Variants in VAC14 observed in about 807,000 individuals in gnomAD.
The protein encoded by VAC14 is VAC14 component of PIKFYVE complex.
A neutral mutation model predicts 85.3 loss-of-function variants in VAC14; 47 were observed. The ratio of observed to expected loss-of-function variants is 0.55; its 90% CI spans 0.44 to 0.70. VAC14 has a LOEUF of 0.70. Among genes scored for constraint, VAC14 ranks in the 30% least tolerant of loss-of-function variants. The pLI is 0.00. For missense variants in VAC14, 861 were observed against 1,004.3 expected (o/e 0.86, Z 1.93); for synonymous variants, 447 against 430.5 (o/e 1.04, Z -0.47).
At chr16:70,713,412 A>C (rs1432702911) in intron 14 of VAC14, among the ~76,000 whole-genome samples, 1 of 152,232 alleles carries the variant, frequency 6.6e-6, no homozygotes, top group Non-Finnish European at 1.5e-5. Flanking sequence ...GTGCTGTTTG[A>C]ATCACTTTTG....
intron 7 of VAC14, among the ~76,000 whole-genome samples, chr16:70,782,544 C>T (rs989174844): frequency 6.6e-6 from 1 of 152,200 alleles, no homozygotes; most frequent in African/African-American, 2.4e-5. Context: ...TGTGGCCCAT[C>T]CACCCCAGCA....
Position 70,783,567 on chromosome 16 carries a change from AG to A in VAC14, c.595-14del, listed in dbSNP as rs1420128673. The A allele has an allele frequency of 1.2e-6, 2 of 1,611,990 alleles. No homozygotes were observed. Among genetic ancestry groups the A allele is most frequent in the African/African-American group, 2.7e-5 (2 of 75,052 alleles). ...CCAGAACCAGGATCTGACCAGGGGAAGGGAACAGGAGGGGAAGTCAGCTCCA... is the reference window on the plus strand; with the variant it reads ...CCAGAACCAGGATCTGACCAGGGGAAGGAACAGGAGGGGAAGTCAGCTCCA... On this transcript the variant is annotated splice_polypyrimidine_tract_variant and intron_variant, in intron 5 of 18. Transcript: ENST00000261776.
At chr16:70,727,443 G>A (rs1311701698) in intron 14 of VAC14, among the ~76,000 whole-genome samples, 1 of 152,180 alleles carries the variant, frequency 6.6e-6, no homozygotes, top group African/African-American at 2.4e-5. Context: ...GGGTTCAAGC[G>A]ATCCTCCTGC....
chr16:70,741,825 T>G (rs2030342908), intron 13 of VAC14, among the ~76,000 whole-genome samples: 1 of 152,246 alleles, frequency 6.6e-6, no homozygotes, highest in African/African-American at 2.4e-5. Flanking sequence ...GTTCATGGCC[T>G]GCCTATCTTG....
chr16:70,717,105 T>A (rs976840416), intron 14 of VAC14, among the ~76,000 whole-genome samples: 1 of 152,250 alleles, frequency 6.6e-6, no homozygotes, highest in Non-Finnish European at 1.5e-5. Context: ...TGGATTCTGG[T>A]TCCAGAACCA....
chr16:70,780,163 T>C (rs1457770902), intron 9 of VAC14, among the ~76,000 whole-genome samples: 3 of 152,038 alleles, frequency 2.0e-5, no homozygotes, highest in Non-Finnish European at 4.4e-5. Context: ...TTTCTTATAA[T>C]GCAGTTTTCT....
At chr16:70,719,481 C>A (rs2054237746) in intron 14 of VAC14, among the ~76,000 whole-genome samples, 1 of 152,108 alleles carries the variant, frequency 6.6e-6, no homozygotes, top group Non-Finnish European at 1.5e-5. Context: ...GTATATACAA[C>A]TGAGAAAGAC....
rs34017623 is a variant in VAC14, at chr16:70,713,709, G to GTT, written c.1662-14900_1662-14899dup. Among the ~76,000 whole-genome samples, 11 of 133,704 alleles carry GTT rather than the reference G, an allele frequency of 8.2e-5. 1 individual carries two copies. Among genetic ancestry groups the GTT allele is most frequent in the Middle Eastern group, 7.3e-3 (2 of 274 alleles). The allele number at this position is 133,704 out of a possible 152,430, so 87.7% of individuals were successfully genotyped here. On this transcript the variant is annotated intron_variant, in intron 14 of 18. Transcript: ENST00000261776. ...CCTGCTCAGGAGCATCTTTGTTTTT[G>GTT]TTTTTTTTTTTTTTTGTAGAGATGG...
At chr16:70,693,782 G>C (rs2053648172) in intron 17 of VAC14, among the ~76,000 whole-genome samples, 1 of 152,216 alleles carries the variant, frequency 6.6e-6, no homozygotes, top group African/African-American at 2.4e-5. Flanking sequence ...TGTGTCCCTA[G>C]GCCCAGTCCA....
rs977545971 is a variant in VAC14 at position 70,692,938 on chromosome 16, T to C, written c.2069A>G (p.Asn690Ser). The C allele has an allele frequency of 3.7e-6, 6 of 1,611,138 alleles. No individual in the cohort carries two copies. The highest frequency in any genetic ancestry group is 5.1e-6 in the Non-Finnish European group (6 of 1,179,490). ...GTAGAGGGCCTTGATCAGGTAGGGGTTGTTCTTCACGTCCAGCAGCTGCAG... is the reference window on the plus strand; with the variant it reads ...GTAGAGGGCCTTGATCAGGTAGGGGCTGTTCTTCACGTCCAGCAGCTGCAG... ...LRLQLLDVKN[N>S]PYLIKALYGL... The change falls in exon 18 of 19, where the codon AAC becomes AGC. Residue 690 changes from asparagine to serine, a missense_variant. By Grantham distance (46) the Asn-to-Ser change is conservative. Coordinates refer to ENST00000261776, the MANE Select transcript of VAC14 (RefSeq NM_018052.5).
At chr16:70,691,310 C>T (rs1340940409) in intron 18 of VAC14, 1 of 985,332 alleles carries the variant, frequency 1.0e-6, no homozygotes, top group Non-Finnish European at 1.2e-6. Flanking sequence ...CACAGGGAGA[C>T]TGGAGGTCAC....
At chr16:70,739,028 C>A (rs772213026) in intron 13 of VAC14, among the ~76,000 whole-genome samples, 37 of 152,254 alleles carry the variant, frequency 2.4e-4, no homozygotes, top group Non-Finnish European at 2.8e-4. Context: ...AAGCCTCCCA[C>A]AGGGGCCCTC....
rs777453280 is a variant in VAC14, at chr16:70,781,878, G to T, written c.937C>A (p.Arg313Ser). Residue 313 changes from arginine to serine, a missense_variant, in exon 8 of 19, where the codon CGC becomes AGC. Arg to Ser is a moderately radical substitution (Grantham distance 110, BLOSUM62 -1). Around this residue, in one of 3 missense-constraint regions of VAC14, gnomAD observed 629 missense variants for 703.1 expected, o/e 0.89. Coordinates refer to ENST00000261776, the MANE Select transcript of VAC14 (RefSeq NM_018052.5). Reference protein sequence around the residue: ...AVLPCLAYDDRKKSIKEVANV... With the variant: ...AVLPCLAYDDSKKSIKEVANV... ...CCAAAGCAAAGGATACTTTTCTTGCGGTCATCGTAGGCCAAGCAGGGCAAG... is the reference window on the plus strand; with the variant it reads ...CCAAAGCAAAGGATACTTTTCTTGCTGTCATCGTAGGCCAAGCAGGGCAAG... 1.9e-6 allele frequency: 3 copies of T among 1,613,976 alleles called. No individual in the cohort carries two copies. The East Asian group carries it at 6.7e-5, about 36-fold the overall frequency.
chr16:70,738,056 G>A (rs1236272377), intron 13 of VAC14, among the ~76,000 whole-genome samples: 1 of 152,216 alleles, frequency 6.6e-6, no homozygotes, highest in Non-Finnish European at 1.5e-5. Context: ...CTCCTCTTCT[G>A]TGAACCAGGC....
At chr16:70,712,208 G>T (rs565402092) in intron 14 of VAC14, among the ~76,000 whole-genome samples, 2 of 152,078 alleles carry the variant, frequency 1.3e-5, no homozygotes, top group Admixed American at 6.5e-5. Context: ...TGGATTAAAC[G>T]CGTGAGAAAT....
intron 1 of VAC14, among the ~76,000 whole-genome samples, chr16:70,786,851 G>A (rs943260982): frequency 3.3e-5 from 5 of 152,214 alleles, no homozygotes; most frequent in African/African-American, 1.2e-4. Flanking sequence ...TGATATCACA[G>A]AAGCAAGAAA....
At chr16:70,785,669 C>G in intron 3 of VAC14, 33 bp downstream of exon 3, 2 of 1,530,600 alleles carry the variant, frequency 1.3e-6, no homozygotes, top group Non-Finnish European at 1.8e-6. Flanking sequence ...GAACCAAGCG[C>G]AGCTCAGTGA....
Position 70,687,914 on chromosome 16 carries a change from C to A in VAC14, c.*14G>T. On this transcript the variant is annotated 3_prime_UTR_variant, in exon 19 of 19. Transcript: ENST00000261776. The stretch of plus-strand genomic sequence containing the variant: ...ATGGGACCACTCGGTGGGCCCTCCT[C>A]CGTGCCAGGCCTGTCAGAGGACAAC... 2 of 1,510,670 alleles carry A rather than the reference C, an allele frequency of 1.3e-6. No individual in the cohort carries two copies. The highest frequency in any genetic ancestry group is 1.3e-5 in the South Asian group (1 of 77,424). 93.6% of individuals were successfully genotyped at this position (1,510,670 alleles called of 1,614,324 possible).
At chr16:70,747,485 T>C (rs991550654) in intron 12 of VAC14, 1 of 144,448 alleles carries the variant, frequency 6.9e-6, no homozygotes. Context: ...TTTTATGGTA[T>C]GTGAATTGTA....
Sources: allele counts gnomAD v4.1 joint callset (sites outside exome capture counted in the v4.1 genomes callset), GRCh38; gene constraint gnomAD v4.1.1; regional missense constraint gnomAD v4.1.1; transcripts MANE v1.5; gene names NCBI Gene and HGNC (gene_info 2026-07-23, HGNC 2026-07-21).